The following SNTG2 variants were observed in gnomAD, a reference collection of about 807,000 sequenced individuals.
The protein encoded by SNTG2 is gamma-2-syntrophin.
A neutral mutation model predicts 70.9 loss-of-function variants in SNTG2; 74 were observed. The observed-to-expected ratio is 1.04, with a 90% CI of 0.86 to 1.27. The LOEUF (loss-of-function observed/expected upper bound fraction) is 1.27, where lower values mean the gene tolerates loss of function less well. Ranked by LOEUF, SNTG2 falls within the 50% of genes most tolerant of loss-of-function variation. The pLI, the probability that SNTG2 is intolerant of heterozygous loss-of-function variation, is 0.00. For missense variants in SNTG2, 717 were observed against 690.7 expected (o/e 1.04, Z -0.43); for synonymous variants, 278 against 273.8 (o/e 1.02, Z -0.15).
chr2:1,143,509 G>A (rs764849030), intron 6 of SNTG2, among the ~76,000 whole-genome samples: 1 of 151,872 alleles, frequency 6.6e-6, no homozygotes, highest in African/African-American at 2.4e-5. Context: ...TTTGAAGATG[G>A]GGATAAACGG....
At chr2:1,250,173 C>T (rs1677670525) in intron 12 of SNTG2, among the ~76,000 whole-genome samples, 1 of 152,242 alleles carries the variant, frequency 6.6e-6, no homozygotes, top group African/African-American at 2.4e-5. Context: ...CTGCCAGCCT[C>T]CTGCCCCTTC....
chr2:1,185,189 C>T (rs1466138997), intron 8 of SNTG2, among the ~76,000 whole-genome samples: 1 of 152,208 alleles, frequency 6.6e-6, no homozygotes, highest in Non-Finnish European at 1.5e-5. Context: ...CACTCTGATG[C>T]AAGGGGTGGG....
chr2:1,158,520 A>G (rs6724355), intron 6 of SNTG2: 97,092 of 137,422 alleles, frequency 0.71, 33,500 homozygotes, highest in Non-Finnish European at 0.82. Context: ...AGAAAGAAGA[A>G]TATTCATGAC....
At chr2:1,084,788 G>A (rs560168675) in intron 2 of SNTG2, among the ~76,000 whole-genome samples, 8 of 152,330 alleles carry the variant, frequency 5.3e-5, no homozygotes, top group Admixed American at 1.3e-4. Flanking sequence ...CGCCTTGAAT[G>A]CTGCATCCTC....
intron 16 of SNTG2, among the ~76,000 whole-genome samples, chr2:1,360,735 C>G (rs1046506854): frequency 2.0e-5 from 3 of 152,252 alleles, no homozygotes; most frequent in Admixed American, 2.0e-4. Flanking sequence ...ATTTCACCCC[C>G]CTACATCCAG....
intron 16 of SNTG2, among the ~76,000 whole-genome samples, chr2:1,320,236 A>G (rs762518069): frequency 2.6e-5 from 4 of 152,090 alleles, no homozygotes; most frequent in African/African-American, 9.7e-5. Context: ...CATTATTTGC[A>G]AAAATCACGT....
intron 16 of SNTG2, among the ~76,000 whole-genome samples, chr2:1,320,469 T>A (rs1469223853): frequency 2.0e-5 from 3 of 148,072 alleles, no homozygotes; most frequent in Non-Finnish European, 4.4e-5. Flanking sequence ...GAGGCAGAGC[T>A]TACAGTGAGC....
At chr2:1,354,207 G>A (rs1361086039) in intron 16 of SNTG2, among the ~76,000 whole-genome samples, 1 of 152,078 alleles carries the variant, frequency 6.6e-6, no homozygotes, top group Non-Finnish European at 1.5e-5. Flanking sequence ...GGCTGTAGGA[G>A]TTAGGTGTGG....
At chr2:1,106,100 A>G (rs377380335) in intron 4 of SNTG2, among the ~76,000 whole-genome samples, 416 of 120,288 alleles carry the variant, frequency 3.5e-3, no homozygotes, top group South Asian at 0.013. Context: ...GGTGCAGGGT[A>G]TGGAGAGCTC....
chr2:1,223,634 G>C (rs886706628), intron 9 of SNTG2, among the ~76,000 whole-genome samples: 1 of 152,224 alleles, frequency 6.6e-6, no homozygotes, highest in Non-Finnish European at 1.5e-5. Context: ...TGAAAGGGGA[G>C]AACTATCAGT....
At chr2:1,083,494 T>A in intron 1 of SNTG2, 24 bp from the exon 2 acceptor site, 4 of 1,612,780 alleles carry the variant, frequency 2.5e-6, no homozygotes, top group Non-Finnish European at 3.4e-6. Flanking sequence ...ACCATTTTTT[T>A]GTGTTTCCAC....
intron 9 of SNTG2, among the ~76,000 whole-genome samples, chr2:1,222,127 C>CTCTGTT (rs1345883336): frequency 8.7e-6 from 1 of 115,302 alleles, no homozygotes; most frequent in African/African-American, 3.8e-5. Context: ...CTCTCTCTGT[C>CTCTGTT]TCTCTCTGTC....
chr2:1,172,489 G>A (rs1180693528), intron 7 of SNTG2, among the ~76,000 whole-genome samples: 5 of 152,196 alleles, frequency 3.3e-5, no homozygotes, highest in African/African-American at 9.7e-5. Flanking sequence ...CTGTTCCCAG[G>A]ACCTTGGAAA....
chr2:1,062,965 A>G (rs1662920518), intron 1 of SNTG2, among the ~76,000 whole-genome samples: 1 of 152,210 alleles, frequency 6.6e-6, no homozygotes, highest in Non-Finnish European at 1.5e-5. Context: ...TGCTTAGTAA[A>G]AGATCTACCA....
intron 16 of SNTG2, among the ~76,000 whole-genome samples, chr2:1,350,464 A>G (rs1660516984): frequency 6.6e-6 from 1 of 152,210 alleles, no homozygotes; most frequent in African/African-American, 2.4e-5. Context: ...TTTATTTATG[A>G]TTATCCATTG....
chr2:1,016,089 CCAT>C, intron 1 of SNTG2, among the ~76,000 whole-genome samples: 1 of 152,082 alleles, frequency 6.6e-6, no homozygotes, highest in Middle Eastern at 3.4e-3. Flanking sequence ...GGGGCTATCT[CCAT>C]CAACATATCT....
At chr2:1,251,234 T>C (rs756553910) in intron 12 of SNTG2, among the ~76,000 whole-genome samples, 1 of 152,242 alleles carries the variant, frequency 6.6e-6, no homozygotes, top group Non-Finnish European at 1.5e-5. Context: ...TCCAAAATGG[T>C]CATTGACAGT....
chr2:1,106,129 C>G (rs371643375), intron 4 of SNTG2, among the ~76,000 whole-genome samples: 1,437 of 77,914 alleles, frequency 0.018, 106 homozygotes, highest in Middle Eastern at 0.029. Flanking sequence ...TAGTGGACAC[C>G]TGCTGTCACT....
chr2:1,227,301 G>C (rs2148064132), intron 9 of SNTG2, among the ~76,000 whole-genome samples: 1 of 152,380 alleles, frequency 6.6e-6, no homozygotes, highest in South Asian at 2.1e-4. Context: ...AGCACCTACT[G>C]TGTGCACTTT....
Sources: allele counts gnomAD v4.1 joint callset (sites outside exome capture counted in the v4.1 genomes callset), GRCh38; gene constraint gnomAD v4.1.1; transcripts MANE v1.5; gene names NCBI Gene and HGNC (gene_info 2026-07-23, HGNC 2026-07-21).